RBAK: variants seen among roughly 807,000 people sequenced by gnomAD.
The protein encoded by RBAK is RB associated KRAB zinc finger.
A neutral mutation model predicts 65.8 loss-of-function variants in RBAK; 39 were observed. That is an observed-to-expected ratio of 0.59 (90% CI 0.46 to 0.77). RBAK has a LOEUF of 0.77. Ranked by LOEUF, RBAK falls within the 30% of genes least tolerant of loss-of-function variation. RBAK has a pLI of 0.00. For synonymous variants in RBAK, 343 were observed against 289.7 expected (o/e 1.18, Z -1.87); for missense variants, 884 against 855.1 (o/e 1.03, Z -0.42).
chr7:5,061,598 G>A (rs1583460814), intron 4 of RBAK, among the ~76,000 whole-genome samples: 3 of 150,390 alleles, frequency 2.0e-5, no homozygotes, highest in Admixed American at 2.0e-4. Flanking sequence ...GCATGATCTT[G>A]TTTTTAAGAT....
chr7:5,062,746 T>C (rs35456262), intron 4 of RBAK, among the ~76,000 whole-genome samples: 14,145 of 152,242 alleles, frequency 0.093, 816 homozygotes, highest in South Asian at 0.16. Flanking sequence ...AAGGGGGCCA[T>C]CTATAGGCCC....
rs537842049 is a variant in RBAK at position 5,063,426 on chromosome 7, A to G, written c.239-269A>G. ...AAAGCAACAAAGTTACCTGTATTCA[A>G]TATGAATTTACTCTTCTATTTTCTA... On this transcript the variant is annotated intron_variant, in intron 4 of 4. Transcript: ENST00000396912. Among the ~76,000 whole-genome samples, 6 of 151,680 alleles carry G rather than the reference A, an allele frequency of 4.0e-5. No individual in the cohort carries two copies. In the South Asian group the frequency reaches 1.2e-3, roughly 31 times the overall value.
At chr7:5,061,891 C>A (rs550897367) in intron 4 of RBAK, among the ~76,000 whole-genome samples, 1 of 148,900 alleles carries the variant, frequency 6.7e-6, no homozygotes, top group East Asian at 2.0e-4. Flanking sequence ...GAGCGAGACT[C>A]CATCTACAAA....
In RBAK at chr7:5,063,933, G is replaced by C. The variant is rs1779148021; in HGVS notation, c.477G>C (p.Arg159Ser). The C allele has an allele frequency of 6.2e-7, 1 of 1,613,990 alleles. No individual in the cohort carries two copies. The highest frequency in any genetic ancestry group is 8.5e-7 in the Non-Finnish European group (1 of 1,179,956). The part of the protein sequence containing the change: ...QLISSDGSYA[R>S]TKPDECNECG... ...TTAGTAGTGATGGAAGCTATGCTAGGACAAAACCTGATGAGTGTAATGAAT... is the reference window on the plus strand; with the variant it reads ...TTAGTAGTGATGGAAGCTATGCTAGCACAAAACCTGATGAGTGTAATGAAT... The change falls in exon 5 of 5, where the codon AGG becomes AGC. Residue 159 changes from arginine (R) to serine (S), a missense_variant. Arg to Ser is a moderately radical substitution (Grantham distance 110). Transcript: ENST00000396912.
chr7:5,056,338 G>A (rs976083485), intron 2 of RBAK, among the ~76,000 whole-genome samples: 3 of 151,278 alleles, frequency 2.0e-5, no homozygotes, highest in Admixed American at 6.6e-5. Flanking sequence ...AGCTGGTCTC[G>A]AACTCCTGAG....
chr7:5,062,726 G>T (rs1045796432), intron 4 of RBAK, among the ~76,000 whole-genome samples: 19 of 152,196 alleles, frequency 1.2e-4, no homozygotes, highest in Non-Finnish European at 1.8e-4. Context: ...CATAGACGAC[G>T]GCCACACCTA....
At chr7:5,057,926 CTT>C (rs1778969322) in intron 4 of RBAK, 147 bp downstream of exon 4, 4 of 795,852 alleles carry the variant, frequency 5.0e-6, no homozygotes, top group Middle Eastern at 2.9e-4. Flanking sequence ...TACATGAACT[CTT>C]TTGTTGATTT....
At position 5,047,340 on chromosome 7, in the gene RBAK, A is replaced by G. The variant is rs1788011531; in HGVS notation, c.-44-693A>G. ...ATGGAGGCCAGGAGGTCGAGGCTGC[A>G]GTGAGCTGTGAATGCACCACTGCAC... On this transcript the variant is annotated intron_variant, in intron 1 of 4. Coordinates refer to ENST00000396912, the MANE Select transcript of RBAK (RefSeq NM_021163.4). 2.0e-5 allele frequency among the ~76,000 whole-genome samples: 3 copies of G among 152,168 alleles called. No individual in the cohort carries two copies. In the South Asian group the frequency reaches 6.2e-4, roughly 32 times the overall value.
At position 5,066,570 on chromosome 7, in the gene RBAK, T is replaced by C. The variant is rs1367839753; in HGVS notation, c.*969T>C. 1 of 152,202 alleles carries C rather than the reference T, an allele frequency of 6.6e-6. No individual in the cohort carries two copies. The highest frequency in any genetic ancestry group is 1.5e-5 in the Non-Finnish European group (1 of 68,010). The allele number at this position is 152,202 out of a possible 1,614,324, so 9.4% of individuals were successfully genotyped here. On this transcript the variant is annotated 3_prime_UTR_variant, in exon 5 of 5. Coordinates refer to ENST00000396912, the MANE Select transcript of RBAK (RefSeq NM_021163.4). ...CCAATATTTTGTAATTTAGAAATTT[T>C]ATTCACAAACTTCTGTTTGGTACAA...
chr7:5,056,027 T>C (rs1315329894), intron 2 of RBAK, among the ~76,000 whole-genome samples: 1 of 152,024 alleles, frequency 6.6e-6, no homozygotes, highest in Non-Finnish European at 1.5e-5. Flanking sequence ...CAGGGCGTGC[T>C]GGCTCAAGCC....
chr7:5,063,321 GACGTAC>G (rs1485896754), intron 4 of RBAK, among the ~76,000 whole-genome samples: 2 of 152,170 alleles, frequency 1.3e-5, no homozygotes, highest in Non-Finnish European at 2.9e-5. Context: ...GCCTGGATCT[GACGTAC>G]TTTCAACCAC....
intron 2 of RBAK, among the ~76,000 whole-genome samples, chr7:5,049,034 C>T (rs912425980): frequency 2.0e-5 from 3 of 152,182 alleles, no homozygotes; most frequent in Non-Finnish European, 4.4e-5. Context: ...CGACACAAAG[C>T]GAAACCATAT....
Position 5,045,914 on chromosome 7 carries a change from T to A in RBAK, c.-527T>A, listed in dbSNP as rs1787964871. On this transcript the variant is annotated 5_prime_UTR_variant, in exon 1 of 5. Coordinates refer to ENST00000396912, the MANE Select transcript of RBAK (RefSeq NM_021163.4). Reference sequence around the variant, plus strand: ...TCACCGCTTGCTCTAGTTCCCAGGCTTTGGCCTCCAGTGGACGAGAATCGC... The same window carrying A: ...TCACCGCTTGCTCTAGTTCCCAGGCATTGGCCTCCAGTGGACGAGAATCGC... 1 of 351,008 alleles carries A rather than the reference T, an allele frequency of 2.8e-6. No homozygotes were observed. The highest frequency in any genetic ancestry group is 2.3e-5 in the African/African-American group (1 of 43,562). 21.7% of individuals were successfully genotyped at this position (351,008 alleles called of 1,614,324 possible).
intron 2 of RBAK, among the ~76,000 whole-genome samples, chr7:5,053,448 T>C (rs193156773): frequency 9.2e-5 from 14 of 152,326 alleles, no homozygotes; most frequent in African/African-American, 2.9e-4. Flanking sequence ...TTGATTGCAA[T>C]ATGTCATGGT....
chr7:5,065,049 A>G lies in RBAK; in HGVS notation c.1593A>G (p.Pro531=). 1 of 1,613,926 alleles carries G rather than the reference A, an allele frequency of 6.2e-7. No homozygotes were observed. The highest frequency in any genetic ancestry group is 8.5e-7 in the Non-Finnish European group (1 of 1,179,932). ...ATTCAGCCTTCGATGGGCACCAGCC[A>G]CTTCCAAAAGGGGAGAAATCCTATG... ...LVNSAFDGHQ[P]LPKGEKSYEC... The change falls in exon 5 of 5, where the codon CCA becomes CCG. Residue 531 remains proline (P), a synonymous_variant. Transcript: ENST00000396912. The surrounding 1 kb of genome is among the most constrained non-coding windows in gnomAD (Gnocchi z 5.3).
chr7:5,065,622 A>G lies in RBAK; in HGVS notation c.*21A>G, dbSNP rs758731879. On this transcript the variant is annotated 3_prime_UTR_variant, in exon 5 of 5. Transcript: ENST00000396912. This position sits in a 1 kb window ranked among gnomAD's most constrained non-coding sequence, Gnocchi z 5.3. Reference sequence around the variant, plus strand: ...TCTGAAGTCAGATCTCAATTTTTAGAAAACTCTCTGAATATAATGAATATG... The same window carrying G: ...TCTGAAGTCAGATCTCAATTTTTAGGAAACTCTCTGAATATAATGAATATG... The G allele has an allele frequency of 6.8e-7, 1 of 1,460,920 alleles. No individual in the cohort carries two copies. The highest frequency in any genetic ancestry group is 2.4e-5 in the Admixed American group (1 of 42,436). The allele number at this position is 1,460,920 out of a possible 1,614,324, so 90.5% of individuals were successfully genotyped here.
intron 2 of RBAK, among the ~76,000 whole-genome samples, chr7:5,053,413 C>A (rs936095063): frequency 6.6e-6 from 1 of 151,956 alleles, no homozygotes; most frequent in African/African-American, 2.4e-5. Flanking sequence ...ATGTTGTAAA[C>A]TTTTTATCAC....
rs1788054867 is a variant in RBAK, at chr7:5,048,943, A to G, written c.15+852A>G. ...TCAGGAGAACAGCACCAAAAGGGAA[A>G]TTGCCCCCATGATCCAATCACCTCC... is the stretch of plus-strand genomic sequence containing the variant. On this transcript the variant is annotated intron_variant, in intron 2 of 4. Transcript: ENST00000396912. The surrounding 1 kb of genome is among the most constrained non-coding windows in gnomAD (Gnocchi z 4.4). Among the ~76,000 whole-genome samples the G allele has an allele frequency of 6.6e-6, 1 of 152,166 alleles. No individual in the cohort carries two copies. Among genetic ancestry groups the G allele is most frequent in the Non-Finnish European group, 1.5e-5 (1 of 68,012 alleles).
rs1398103140 is a variant in RBAK, at chr7:5,069,378, G to A, written c.*3777G>A. 1 of 152,152 alleles carries A rather than the reference G, an allele frequency of 6.6e-6. No individual in the cohort carries two copies. The highest frequency in any genetic ancestry group is 2.4e-5 in the African/African-American group (1 of 41,424). The allele number at this position is 152,152 out of a possible 1,614,324, so 9.4% of individuals were successfully genotyped here. On this transcript the variant is annotated 3_prime_UTR_variant, in exon 5 of 5. Transcript: ENST00000396912. ...TATTTTAAGTGAAATATTTGAGAAGGTTAAAGAATCATTACATACTTTGTC... is the reference window on the plus strand; with the variant it reads ...TATTTTAAGTGAAATATTTGAGAAGATTAAAGAATCATTACATACTTTGTC...
Sources: allele counts gnomAD v4.1 joint callset (sites outside exome capture counted in the v4.1 genomes callset), GRCh38; gene constraint gnomAD v4.1.1; non-coding constraint Gnocchi (gnomAD v3.1); transcripts MANE v1.5; gene names NCBI Gene and HGNC (gene_info 2026-07-23, HGNC 2026-07-21).